Variants in ZNF793 observed in about 807,000 individuals in gnomAD.
The protein encoded by ZNF793 is zinc finger protein 793.
Under a neutral mutation model 12.4 loss-of-function variants are expected in ZNF793, and 5 were observed. That is an observed-to-expected ratio of 0.40 (90% CI 0.21 to 0.84). The LOEUF (loss-of-function observed/expected upper bound fraction) is 0.84, where lower values mean the gene tolerates loss of function less well. Among genes scored for constraint, ZNF793 ranks in the 40% least tolerant of loss-of-function variants. The probability of loss-of-function intolerance (pLI) is 0.35; values close to 1 mark genes in which losing one functional copy is unlikely to be tolerated. For synonymous variants in ZNF793, 162 were observed against 172.4 expected (o/e 0.94, Z 0.47); for missense variants, 456 against 495.0 (o/e 0.92, Z 0.75).
intron 5 of ZNF793, among the ~76,000 whole-genome samples, chr19:37,531,554 G>T (rs979748945): frequency 3.3e-5 from 5 of 151,960 alleles, no homozygotes; most frequent in Non-Finnish European, 5.9e-5. Context: ...TCACCGTTTT[G>T]CCCCCCGGCC....
chr19:37,537,570 A>T lies in ZNF793; in HGVS notation c.912A>T (p.Thr304=). The change falls in exon 8 of 8, where the codon ACA becomes ACT. Residue 304 remains threonine, a synonymous_variant. Coordinates refer to ENST00000627814, the MANE Select transcript of ZNF793 (RefSeq NM_001013659.3). The part of the protein sequence containing the change: ...QKSHRTEHQR[T]HTGERPFVCS... The stretch of plus-strand genomic sequence containing the variant: ...CACACCGCACAGAACATCAGAGAAC[A>T]CACACAGGAGAGAGACCCTTTGTCT... 6.2e-7 allele frequency: 1 copy of T among 1,614,218 alleles called. No homozygotes were observed. The highest frequency in any genetic ancestry group is 2.2e-5 in the East Asian group (1 of 44,884).
chr19:37,536,513 A>C (rs528278746), intron 7 of ZNF793: 8 of 404,830 alleles, frequency 2.0e-5, no homozygotes, highest in African/African-American at 1.6e-4. Flanking sequence ...TTGTGAATAA[A>C]GTTTTATTAG....
chr19:37,538,192 G>A lies in ZNF793; in HGVS notation c.*313G>A, dbSNP rs969987276. The A allele has an allele frequency of 1.2e-5, 3 of 243,442 alleles. No individual in the cohort carries two copies. In the South Asian group the frequency reaches 2.4e-4, roughly 20 times the overall value. 15.1% of individuals were successfully genotyped at this position (243,442 alleles called of 1,614,324 possible). ...GTCCTCCCAAAGTGCTGGGATTACA[G>A]GCGTGAGCCACCGCGCCTGGCCGGT... On this transcript the variant is annotated 3_prime_UTR_variant, in exon 8 of 8. Transcript: ENST00000627814.
Position 37,537,090 on chromosome 19 carries a change from G to A in ZNF793, c.432G>A (p.Lys144=), listed in dbSNP as rs770064655. 1 of 1,613,624 alleles carries A rather than the reference G, an allele frequency of 6.2e-7. No homozygotes were observed. Among genetic ancestry groups the A allele is most frequent in the Admixed American group, 1.7e-5 (1 of 59,940 alleles). Residue 144 remains lysine, a synonymous_variant, in exon 8 of 8, where the codon AAG becomes AAA. Transcript: ENST00000627814. The part of the protein sequence containing the change: ...QSPSNWNPCG[K]NLNHNLDLIG... The stretch of plus-strand genomic sequence containing the variant: ...CTAGTAACTGGAACCCTTGTGGAAA[G>A]AATTTGAACCATAATTTAGACTTGA...
intron 6 of ZNF793, 87 bp from the exon 7 acceptor site, chr19:37,533,221 A>T (rs762699060): frequency 3.3e-5 from 36 of 1,080,850 alleles, no homozygotes; most frequent in Non-Finnish European, 4.7e-5. Context: ...CAAGTATAAC[A>T]TCTATTGTGC....
chr19:37,530,381 C>CT (rs1370801002), intron 5 of ZNF793, among the ~76,000 whole-genome samples: 1 of 152,132 alleles, frequency 6.6e-6, no homozygotes, highest in Non-Finnish European at 1.5e-5. Flanking sequence ...ATGGTCAGGT[C>CT]TTTCCCTTCC....
rs140781249 is a variant in ZNF793, at chr19:37,533,428, G to A, written c.238+25G>A. 5.6e-4 allele frequency: 891 copies of A among 1,604,296 alleles called. 6 individuals carry two copies. In the African/African-American group the frequency reaches 0.011, roughly 19 times the overall value. ...GGTAAGTGTGATAAATCTAGCAAAAGGGGTACTGAAGGAGGCTGGCACCTT... is the reference window on the plus strand; with the variant it reads ...GGTAAGTGTGATAAATCTAGCAAAAAGGGTACTGAAGGAGGCTGGCACCTT... On this transcript the variant is annotated intron_variant, in intron 7 of 7. Transcript: ENST00000627814.
At chr19:37,529,327 C>T (rs555970676) in intron 5 of ZNF793, among the ~76,000 whole-genome samples, 5 of 152,262 alleles carry the variant, frequency 3.3e-5, no homozygotes, top group African/African-American at 1.2e-4. Flanking sequence ...TGAACATCAC[C>T]TTTCACCCAG....
At chr19:37,516,627 C>G (rs1214973440) in intron 2 of ZNF793, among the ~76,000 whole-genome samples, 2 of 152,020 alleles carry the variant, frequency 1.3e-5, no homozygotes, top group Non-Finnish European at 2.9e-5. Context: ...CAGGGCAATA[C>G]TGCTTTCCAA....
chr19:37,533,935 T>G (rs2042482450), intron 7 of ZNF793: 1 of 167,692 alleles, frequency 6.0e-6, no homozygotes, highest in Non-Finnish European at 1.3e-5. Flanking sequence ...TGTAAGACAT[T>G]CCAGCAATAT....
intron 5 of ZNF793, among the ~76,000 whole-genome samples, chr19:37,529,360 C>T (rs1381885514): frequency 1.3e-5 from 2 of 152,204 alleles, no homozygotes; most frequent in African/African-American, 2.4e-5. Flanking sequence ...TCTTTCCTCT[C>T]ACGTCCCTCC....
intron 5 of ZNF793, among the ~76,000 whole-genome samples, chr19:37,529,144 G>T (rs535992432): frequency 8.6e-4 from 131 of 152,126 alleles, no homozygotes; most frequent in African/African-American, 2.9e-3. Flanking sequence ...TTTTTGTTTT[G>T]TTTTGTTGTT....
rs561230828 is a variant in ZNF793, at chr19:37,524,362, T to C, written c.15+908T>C. On this transcript the variant is annotated intron_variant, in intron 5 of 7. Transcript: ENST00000627814. ...AAACCAGATATGTAATGCTTCATCGTATGCAAGGGAATATGACTGATTTGA... is the reference window on the plus strand; with the variant it reads ...AAACCAGATATGTAATGCTTCATCGCATGCAAGGGAATATGACTGATTTGA... 7.2e-5 allele frequency among the ~76,000 whole-genome samples: 11 copies of C among 152,166 alleles called. 1 individual carries two copies. In the South Asian group the frequency reaches 2.1e-3, roughly 29 times the overall value.
chr19:37,542,385 G>GAT lies in ZNF793; in HGVS notation c.*4507_*4508dup. On this transcript the variant is annotated 3_prime_UTR_variant, in exon 8 of 8. Coordinates refer to ENST00000627814, the MANE Select transcript of ZNF793 (RefSeq NM_001013659.3). ...TCCAACCTGGGCAACAGAGCAAAAA[G>GAT]ATTCCATCTCAAAAGAAAAGAAAAG... is the stretch of plus-strand genomic sequence containing the variant. 2.8e-6 allele frequency: 1 copy of GAT among 359,342 alleles called. No individual in the cohort carries two copies. Among genetic ancestry groups the GAT allele is most frequent in the South Asian group, 2.2e-5 (1 of 45,978 alleles). 22.3% of individuals were successfully genotyped at this position (359,342 alleles called of 1,614,324 possible).
chr19:37,521,581 T>G (rs1484803839), intron 3 of ZNF793, among the ~76,000 whole-genome samples: 1 of 151,728 alleles, frequency 6.6e-6, no homozygotes, highest in Non-Finnish European at 1.5e-5. Context: ...GTAGCTGGGA[T>G]TATAGGCACG....
chr19:37,515,228 T>C (rs1305829995), intron 2 of ZNF793, among the ~76,000 whole-genome samples: 2 of 152,226 alleles, frequency 1.3e-5, no homozygotes, highest in African/African-American at 4.8e-5. Context: ...TTAACCATTA[T>C]AGTTATTAAG....
intron 2 of ZNF793, among the ~76,000 whole-genome samples, chr19:37,512,243 G>A (rs2042299624): frequency 6.6e-6 from 1 of 152,152 alleles, no homozygotes; most frequent in African/African-American, 2.4e-5. Flanking sequence ...TAGGCCCGGT[G>A]TGGTGGCTCA....
intron 4 of ZNF793, among the ~76,000 whole-genome samples, 184 bp downstream of exon 4, chr19:37,522,831 A>G (rs1397786302): frequency 6.6e-6 from 1 of 152,080 alleles, no homozygotes; most frequent in African/African-American, 2.4e-5. Context: ...TGATCACTTG[A>G]CTAAGTGATA....
intron 4 of ZNF793, among the ~76,000 whole-genome samples, chr19:37,523,025 A>G (rs2042387311): frequency 6.6e-6 from 1 of 152,080 alleles, no homozygotes; most frequent in African/African-American, 2.4e-5. Context: ...TTGTTTATTT[A>G]TTTATTTAAT....
Sources: gnomAD v4.1 joint callset for allele counts (sites outside exome capture counted in the v4.1 genomes callset) on GRCh38, gnomAD v4.1.1 for gene constraint, MANE v1.5 for transcripts, NCBI Gene and HGNC (gene_info 2026-07-23, HGNC 2026-07-21) for gene names.